Variants in AGBL1 observed in about 807,000 individuals in gnomAD.
AGBL1 encodes the protein cytosolic carboxypeptidase 4.
A neutral mutation model predicts 118.9 loss-of-function variants in AGBL1; 130 were observed. The observed-to-expected ratio is 1.09, with a 90% CI of 0.95 to 1.26. The LOEUF (loss-of-function observed/expected upper bound fraction) is 1.26. Among genes scored for constraint, AGBL1 ranks in the 50% most tolerant of loss-of-function variants. The pLI, the probability that AGBL1 is intolerant of heterozygous loss-of-function variation, is 0.00. For synonymous variants in AGBL1, 555 were observed against 478.9 expected, an observed-to-expected ratio of 1.16 and a Z score of -2.08; for missense variants, 1,584 against 1,298.1, an observed-to-expected ratio of 1.22 and a Z score of -3.38.
intron 22 of AGBL1, among the ~76,000 whole-genome samples, chr15:86,871,679 T>C (rs1283113309): frequency 2.0e-5 from 3 of 152,180 alleles, no homozygotes; most frequent in Non-Finnish European, 4.4e-5. Flanking sequence ...CAGGTTTTTA[T>C]TCTGGTATTG....
rs1301110893 is a variant in AGBL1, at chr15:86,720,817, A to T, written c.3158+46381A>T. On this transcript the variant is annotated intron_variant, in intron 22 of 22. Transcript: ENST00000614907. The stretch of plus-strand genomic sequence containing the variant: ...CACAATAAAAAATGATAAAGGGGAT[A>T]TCACCACCGATGCCACAGAAATACA... 2.0e-5 allele frequency among the ~76,000 whole-genome samples: 3 copies of T among 152,332 alleles called. No homozygotes were observed. The East Asian group carries it at 5.8e-4, about 29-fold the overall frequency.
At chr15:86,105,267 A>G (rs575944500) in intron 1 of AGBL1, 4 of 152,258 alleles carry the variant, frequency 2.6e-5, no homozygotes, top group African/African-American at 9.6e-5. Flanking sequence ...TCAATCACCC[A>G]ATGTTGAGAC....
At chr15:86,244,779 G>A (rs1238648280) in intron 6 of AGBL1, among the ~76,000 whole-genome samples, 1 of 152,110 alleles carries the variant, frequency 6.6e-6, no homozygotes. Context: ...TGCCCACGGG[G>A]CCCCTGTGAA....
intron 22 of AGBL1, among the ~76,000 whole-genome samples, chr15:86,822,438 T>C (rs1034532633): frequency 3.3e-5 from 5 of 152,160 alleles, no homozygotes; most frequent in Admixed American, 6.6e-5. Context: ...TGTTTTATAA[T>C]GTCTGTTCTG....
At chr15:86,694,550 G>A (rs1304181240) in intron 22 of AGBL1, among the ~76,000 whole-genome samples, 3 of 151,974 alleles carry the variant, frequency 2.0e-5, no homozygotes, top group African/African-American at 7.2e-5. Flanking sequence ...AACAGCAATA[G>A]TTTGACTTTT....
At chr15:86,327,890 T>C (rs894936119) in intron 17 of AGBL1, among the ~76,000 whole-genome samples, 6 of 152,156 alleles carry the variant, frequency 3.9e-5, no homozygotes, top group African/African-American at 1.4e-4. Context: ...TGTGTCGGGG[T>C]ACGTCCTCCT....
chr15:86,979,416 A>T (rs929361250), intron 23 of AGBL1, among the ~76,000 whole-genome samples: 1 of 152,214 alleles, frequency 6.6e-6, no homozygotes, highest in Non-Finnish European at 1.5e-5. Flanking sequence ...ATTTAAGAGT[A>T]GATTATTTGA....
chr15:86,512,717 C>A lies in AGBL1; in HGVS notation c.2556-10093C>A, dbSNP rs895746567. Among the ~76,000 whole-genome samples, 7 of 151,834 alleles carry A rather than the reference C, an allele frequency of 4.6e-5. No individual in the cohort carries two copies. In the East Asian group the frequency reaches 1.3e-3, roughly 29 times the overall value. On this transcript the variant is annotated intron_variant, in intron 18 of 22. Coordinates refer to ENST00000614907, the MANE Select transcript of AGBL1 (RefSeq NM_001386094.1). The stretch of plus-strand genomic sequence containing the variant: ...CAATATTTGTCACTTTGCCTTGAAT[C>A]CTTGTTATCTTTTTCTACCCTTCTA...
intron 22 of AGBL1, among the ~76,000 whole-genome samples, chr15:86,754,739 T>A (rs1367285588): frequency 2.0e-5 from 3 of 152,114 alleles, no homozygotes; most frequent in African/African-American, 7.2e-5. Context: ...CTAATATCCC[T>A]GCATAAAGTG....
chr15:86,640,420 C>G (rs978227919), intron 21 of AGBL1, among the ~76,000 whole-genome samples: 1 of 152,100 alleles, frequency 6.6e-6, no homozygotes, highest in Admixed American at 6.6e-5. Context: ...TATTTTACCA[C>G]ATTTCTGTCC....
At chr15:86,587,779 G>C (rs988006360) in intron 21 of AGBL1, among the ~76,000 whole-genome samples, 1 of 152,208 alleles carries the variant, frequency 6.6e-6, no homozygotes, top group Non-Finnish European at 1.5e-5. Context: ...CAGGGAAGAT[G>C]CTGCCATGAG....
chr15:86,287,005 C>G (rs760229151), intron 16 of AGBL1, among the ~76,000 whole-genome samples: 2 of 152,084 alleles, frequency 1.3e-5, no homozygotes, highest in Non-Finnish European at 2.9e-5. Flanking sequence ...CAGATCCTCA[C>G]CAGCACTTGC....
intron 21 of AGBL1, among the ~76,000 whole-genome samples, chr15:86,635,594 G>T (rs2085069505): frequency 6.6e-6 from 1 of 151,858 alleles, no homozygotes; most frequent in Admixed American, 6.6e-5. Context: ...GTTGTCTTGT[G>T]TTCTTACTCA....
rs770839838 is a variant in AGBL1 at position 86,397,490 on chromosome 15, A to C, written c.2499A>C (p.Glu833Asp). 8 of 1,613,052 alleles carry C rather than the reference A, an allele frequency of 5.0e-6. No homozygotes were observed. In the South Asian group the frequency reaches 8.8e-5, roughly 18 times the overall value. Reference protein sequence around the residue: ...SSDPVARLLRENFIFKIIPML... With the variant: ...SSDPVARLLRDNFIFKIIPML... ...ACCCTGTGGCTAGGCTCTTGAGGGA[A>C]AACTTCATCTTCAAGATCATACCCA... The change falls in exon 18 of 23, where the codon GAA (glutamate) becomes GAC (aspartate). Residue 833 changes from glutamate (E) to aspartate (D), a missense_variant. By Grantham distance (45) the Glu-to-Asp change is conservative. Transcript: ENST00000614907.
intron 21 of AGBL1, among the ~76,000 whole-genome samples, chr15:86,667,851 A>C (rs80251420): frequency 1.3e-5 from 2 of 152,174 alleles, no homozygotes; most frequent in South Asian, 4.1e-4. Context: ...TTAGTTTTGT[A>C]TTGCTGTAAG....
chr15:86,251,826 A>AG (rs1428935219), intron 7 of AGBL1, among the ~76,000 whole-genome samples: 3 of 151,980 alleles, frequency 2.0e-5, no homozygotes, highest in Non-Finnish European at 4.4e-5. Context: ...AGATTGAAAA[A>AG]AAAAAAGAAC....
intron 21 of AGBL1, among the ~76,000 whole-genome samples, chr15:86,611,016 T>C (rs910883492): frequency 2.0e-5 from 3 of 152,158 alleles, no homozygotes; most frequent in Non-Finnish European, 4.4e-5. Context: ...AATCTGTGTC[T>C]TAACAAGACC....
chr15:86,547,564 A>G (rs2346726), intron 20 of AGBL1, among the ~76,000 whole-genome samples: 4,732 of 152,248 alleles, frequency 0.031, 127 homozygotes, highest in East Asian at 0.12. Context: ...TTTAATTAAT[A>G]AATTCAAAAC....
At chr15:86,232,202 A>G (rs1032655423) in intron 6 of AGBL1, among the ~76,000 whole-genome samples, 1 of 152,202 alleles carries the variant, frequency 6.6e-6, no homozygotes, top group African/African-American at 2.4e-5. Flanking sequence ...AGAAGAGCTT[A>G]AAAGGTTTAA....
Sources: gnomAD v4.1 joint callset for allele counts (sites outside exome capture counted in the v4.1 genomes callset) on GRCh38, gnomAD v4.1.1 for gene constraint, MANE v1.5 for transcripts, NCBI Gene and HGNC (gene_info 2026-07-23, HGNC 2026-07-21) for gene names.